Variants in RALGAPA1 observed in about 807,000 individuals in gnomAD.
RALGAPA1 encodes ral GTPase-activating protein subunit alpha-1.
Under a neutral mutation model 269.6 loss-of-function variants are expected in RALGAPA1, and 52 were observed. The ratio of observed to expected loss-of-function variants is 0.19; its 90% CI spans 0.15 to 0.24. The LOEUF (loss-of-function observed/expected upper bound fraction) is 0.24, where lower values mean the gene tolerates loss of function less well. Among genes scored for constraint, RALGAPA1 ranks in the 10% least tolerant of loss-of-function variants. RALGAPA1 has a pLI of 1.00. For synonymous variants in RALGAPA1, 817 were observed against 1,008.3 expected (o/e 0.81, Z 3.60); for missense variants, 1,917 against 3,013.9 (o/e 0.64, Z 8.52).
At chr14:35,626,876 T>C (rs925214032) in intron 34 of RALGAPA1, among the ~76,000 whole-genome samples, 20 of 152,066 alleles carry the variant, frequency 1.3e-4, no homozygotes, top group African/African-American at 4.6e-4. Flanking sequence ...CCAGTAGTTA[T>C]TTTGAAAATA....
At position 35,685,073 on chromosome 14, in the gene RALGAPA1, G is replaced by C. The variant is rs1454482930; in HGVS notation, c.4150C>G (p.Gln1384Glu). The C allele has an allele frequency of 3.1e-6, 5 of 1,588,586 alleles. No homozygotes were observed. In the South Asian group the frequency reaches 5.7e-5, roughly 18 times the overall value. ...PKDLPDILNK[Q>E]NQMRPIDDPG... ...TCATCAATAGGGCGCATCTGGTTCTGCTTGTTTAGAATATCAGGGAGGTCT... is the reference window on the plus strand; with the variant it reads ...TCATCAATAGGGCGCATCTGGTTCTCCTTGTTTAGAATATCAGGGAGGTCT... Residue 1384 changes from glutamine to glutamate, a missense_variant, in exon 20 of 42, where the codon CAG becomes GAG. By Grantham distance (29) the Gln-to-Glu change is conservative (BLOSUM62 2). Around this residue, in one of 11 missense-constraint regions of RALGAPA1, gnomAD observed 615 missense variants for 790.0 expected, o/e 0.78. Coordinates refer to ENST00000680220, the MANE Select transcript of RALGAPA1 (RefSeq NM_001346249.2).
intron 38 of RALGAPA1, among the ~76,000 whole-genome samples, chr14:35,571,158 C>A (rs769432451): frequency 6.6e-6 from 1 of 152,136 alleles, no homozygotes; most frequent in Non-Finnish European, 1.5e-5. Context: ...ACTACAGAAC[C>A]TAAAACCCTT....
Position 35,774,874 on chromosome 14 carries a change from T to G in RALGAPA1, c.267+132A>C, listed in dbSNP as rs548614293. The G allele has an allele frequency of 4.6e-6, 3 of 653,526 alleles. No homozygotes were observed. In the Admixed American group the frequency reaches 9.8e-5, roughly 21 times the overall value. The allele number at this position is 653,526 out of a possible 1,614,324, so 40.5% of individuals were successfully genotyped here. A position where few individuals can be genotyped will look rare whatever the true frequency, so the allele number is the denominator to read the frequency against. ...ATTCAGTCAGGCATATTTAAAAAATTTAGATTTAGTTCTTAGAAAGGCTGG... is the reference window on the plus strand; with the variant it reads ...ATTCAGTCAGGCATATTTAAAAAATGTAGATTTAGTTCTTAGAAAGGCTGG... On this transcript the variant is annotated intron_variant, in intron 3 of 41. Transcript: ENST00000680220.
chr14:35,655,879 A>C lies in RALGAPA1; in HGVS notation c.5424T>G (p.Cys1808Trp). 1 of 1,613,504 alleles carries C rather than the reference A, an allele frequency of 6.2e-7. No homozygotes were observed. The highest frequency in any genetic ancestry group is 8.5e-7 in the Non-Finnish European group (1 of 1,179,670). The change falls in exon 29 of 42, where the codon TGT becomes TGG. Residue 1808 changes from cysteine (C) to tryptophan (W), a missense_variant. Cys to Trp is a radical substitution (Grantham distance 215, BLOSUM62 -2). This residue lies in a region of RALGAPA1 where 346 missense variants were observed against 566.1 expected (regional missense o/e 0.61). Coordinates refer to ENST00000680220, the MANE Select transcript of RALGAPA1 (RefSeq NM_001346249.2). ...VALCSLGIWICEELVHESHHP... is the reference protein window; with the variant it reads ...VALCSLGIWIWEELVHESHHP... The stretch of plus-strand genomic sequence containing the variant: ...GATGAGACTCATGGACTAGTTCTTC[A>C]CAAATCCAAATACCTAAACTACAAA...
At chr14:35,799,594 A>G (rs900045223) in intron 1 of RALGAPA1, among the ~76,000 whole-genome samples, 1 of 151,972 alleles carries the variant, frequency 6.6e-6, no homozygotes, top group Admixed American at 6.6e-5. Flanking sequence ...GGTATATACT[A>G]TAAATCATAA....
intron 1 of RALGAPA1, among the ~76,000 whole-genome samples, chr14:35,801,479 G>A (rs1442672540): frequency 6.6e-6 from 1 of 152,066 alleles, no homozygotes; most frequent in Non-Finnish European, 1.5e-5. Context: ...TGTTGGTCAG[G>A]CTGGTCTCGA....
chr14:35,609,305 T>C (rs1282784650), intron 35 of RALGAPA1, among the ~76,000 whole-genome samples: 2 of 152,084 alleles, frequency 1.3e-5, no homozygotes, highest in Non-Finnish European at 2.9e-5. Context: ...GGTATATTTT[T>C]TATCCACAAT....
chr14:35,570,343 GA>G (rs1292290275), intron 39 of RALGAPA1, among the ~76,000 whole-genome samples: 3 of 149,822 alleles, frequency 2.0e-5, no homozygotes, highest in African/African-American at 7.4e-5. Flanking sequence ...GGGAGGAACT[GA>G]ACCATCTATA....
chr14:35,578,180 C>G lies in RALGAPA1; in HGVS notation c.7210-5462G>C, dbSNP rs564333818. 7.2e-5 allele frequency among the ~76,000 whole-genome samples: 11 copies of G among 152,208 alleles called. No individual in the cohort carries two copies. The South Asian group carries it at 2.3e-3, about 32-fold the overall frequency. ...AAAGCTTTGTGTACAGTGGAGGAGA[C>G]AGAGTAAAATAACCATACAATAAAT... On this transcript the variant is annotated intron_variant, in intron 37 of 41. Transcript: ENST00000680220.
chr14:35,587,291 C>T (rs1258040217), intron 37 of RALGAPA1, among the ~76,000 whole-genome samples: 1 of 152,092 alleles, frequency 6.6e-6, no homozygotes, highest in Non-Finnish European at 1.5e-5. Flanking sequence ...CTAGTTCAAC[C>T]ATTGTGGAAG....
intron 39 of RALGAPA1, among the ~76,000 whole-genome samples, chr14:35,566,746 C>A (rs1267388502): frequency 6.6e-6 from 1 of 151,384 alleles, no homozygotes; most frequent in South Asian, 2.1e-4. Context: ...ACCTGTATTT[C>A]AATATCTTAA....
At chr14:35,605,251 C>T (rs1476587234) in intron 36 of RALGAPA1, among the ~76,000 whole-genome samples, 2 of 152,066 alleles carry the variant, frequency 1.3e-5, no homozygotes, top group Non-Finnish European at 2.9e-5. Context: ...TGTGTATACC[C>T]ACACATTCCT....
intron 16 of RALGAPA1, chr14:35,715,586 T>A: frequency 7.1e-6 from 2 of 282,704 alleles, no homozygotes; most frequent in Non-Finnish European, 1.1e-5. Flanking sequence ...TACTGAATAA[T>A]CTTTGTGAAC....
At chr14:35,764,841 T>C (rs566581327) in intron 4 of RALGAPA1, among the ~76,000 whole-genome samples, 2 of 152,264 alleles carry the variant, frequency 1.3e-5, no homozygotes, top group African/African-American at 2.4e-5. Flanking sequence ...TAAGACACCA[T>C]GCCTGGCCTT....
rs144058911 is a variant in RALGAPA1, at chr14:35,771,063, C to A, written c.268-64G>T. 2.5e-3 allele frequency: 1,668 copies of A among 673,274 alleles called. 25 individuals are homozygous for A. Among genetic ancestry groups the A allele is most frequent in the African/African-American group, 0.025 (1,318 of 53,610 alleles). 41.7% of individuals were successfully genotyped at this position (673,274 alleles called of 1,614,324 possible). A position where few individuals can be genotyped will look rare whatever the true frequency, so the allele number is the denominator to read the frequency against. Reference sequence around the variant, plus strand: ...AACCAAGTAATGAGTTCACATCCTGCAAAATGTGAAAAATTAAAGGGCTCA... The same window carrying A: ...AACCAAGTAATGAGTTCACATCCTGAAAAATGTGAAAAATTAAAGGGCTCA... On this transcript the variant is annotated intron_variant, in intron 3 of 41. Coordinates refer to ENST00000680220, the MANE Select transcript of RALGAPA1 (RefSeq NM_001346249.2).
chr14:35,550,201 A>G (rs2054861197), intron 39 of RALGAPA1, among the ~76,000 whole-genome samples: 1 of 152,226 alleles, frequency 6.6e-6, no homozygotes, highest in African/African-American at 2.4e-5. Context: ...GCAGCAACAT[A>G]CAATTATCAG....
At chr14:35,661,863 C>T (rs2063556586) in intron 27 of RALGAPA1, among the ~76,000 whole-genome samples, 2 of 151,858 alleles carry the variant, frequency 1.3e-5, no homozygotes, top group Admixed American at 1.3e-4. Context: ...AGTTTACAGT[C>T]CAGGGAGAGA....
intron 31 of RALGAPA1, among the ~76,000 whole-genome samples, chr14:35,645,350 T>G (rs745635737): frequency 3.6e-5 from 4 of 111,782 alleles, no homozygotes; most frequent in South Asian, 6.0e-4. Flanking sequence ...GAGATGGGTG[T>G]GTGTGTGTGT....
At chr14:35,801,968 T>C (rs1040854888) in intron 1 of RALGAPA1, among the ~76,000 whole-genome samples, 4 of 152,206 alleles carry the variant, frequency 2.6e-5, no homozygotes, top group Non-Finnish European at 5.9e-5. Flanking sequence ...TAAAACTGTA[T>C]TTGCAGACTG....
Sources: allele counts gnomAD v4.1 joint callset (sites outside exome capture counted in the v4.1 genomes callset), GRCh38; gene constraint gnomAD v4.1.1; regional missense constraint gnomAD v4.1.1; transcripts MANE v1.5; gene names NCBI Gene and HGNC (gene_info 2026-07-23, HGNC 2026-07-21).